The following OR9Q1 variants were observed in gnomAD, a reference collection of about 807,000 sequenced individuals.
OR9Q1 encodes the protein olfactory receptor 9Q1.
For synonymous variants in OR9Q1, 153 were observed against 148.6 expected (o/e 1.03, Z -0.22); for missense variants, 374 against 378.8 (o/e 0.99, Z 0.11).
chr11:58,054,752 C>T (rs1026517106), intron 1 of OR9Q1, among the ~76,000 whole-genome samples: 5 of 152,048 alleles, frequency 3.3e-5, no homozygotes, highest in African/African-American at 1.2e-4. Flanking sequence ...GGTAAAACCC[C>T]ATCTCTACTA....
chr11:58,158,649 G>T (rs1393978874), intron 2 of OR9Q1, among the ~76,000 whole-genome samples: 3 of 152,126 alleles, frequency 2.0e-5, no homozygotes, highest in Non-Finnish European at 4.4e-5. Context: ...GACCAAGGTG[G>T]TTCCATCTTC....
chr11:58,037,429 G>A (rs956433392), intron 1 of OR9Q1, among the ~76,000 whole-genome samples: 7 of 151,710 alleles, frequency 4.6e-5, no homozygotes, highest in Non-Finnish European at 1.0e-4. Flanking sequence ...CACCTGACCT[G>A]AGTAGATATG....
chr11:58,053,444 G>A (rs1853288252), intron 1 of OR9Q1, among the ~76,000 whole-genome samples: 1 of 95,024 alleles, frequency 1.1e-5, no homozygotes, highest in Non-Finnish European at 2.0e-5. Context: ...TCTGGGGCCT[G>A]TTGTGGGGTG....
chr11:58,055,841 C>T (rs983386301), intron 1 of OR9Q1, 29 bp from the exon 2 acceptor site: 3 of 150,756 alleles, frequency 2.0e-5, no homozygotes, highest in African/African-American at 7.3e-5. Flanking sequence ...AACTTAGGCC[C>T]CTTTTGCCCT....
intron 2 of OR9Q1, among the ~76,000 whole-genome samples, chr11:58,114,268 A>T (rs1237184335): frequency 1.3e-5 from 2 of 152,164 alleles, no homozygotes; most frequent in African/African-American, 4.8e-5. Flanking sequence ...GAATTTTCTG[A>T]TCCAATTGTA....
intron 2 of OR9Q1, among the ~76,000 whole-genome samples, chr11:58,064,089 A>G (rs1459270523): frequency 6.6e-6 from 1 of 152,184 alleles, no homozygotes; most frequent in Non-Finnish European, 1.5e-5. Context: ...CGATAGGACA[A>G]TTATGGGAGT....
At chr11:58,166,674 G>T (rs971982376) in intron 2 of OR9Q1, among the ~76,000 whole-genome samples, 1 of 152,180 alleles carries the variant, frequency 6.6e-6, no homozygotes, top group Non-Finnish European at 1.5e-5. Flanking sequence ...TAGTCAAGGT[G>T]GAGCCCCATT....
intron 2 of OR9Q1, among the ~76,000 whole-genome samples, chr11:58,134,564 G>A: frequency 6.6e-6 from 1 of 152,210 alleles, no homozygotes; most frequent in Non-Finnish European, 1.5e-5. Flanking sequence ...ATGGGTCAGA[G>A]TGAGAAGGCA....
At chr11:58,153,569 T>C (rs113687647) in intron 2 of OR9Q1, among the ~76,000 whole-genome samples, 9 of 150,758 alleles carry the variant, frequency 6.0e-5, no homozygotes, top group African/African-American at 1.7e-4. Context: ...TTTTTTTTTT[T>C]CCAAGAGAAA....
At chr11:58,135,348 G>A (rs749479418) in intron 2 of OR9Q1, among the ~76,000 whole-genome samples, 1 of 152,030 alleles carries the variant, frequency 6.6e-6, no homozygotes, top group Non-Finnish European at 1.5e-5. Flanking sequence ...TTCATCTCTC[G>A]CTTGAACTAC....
intron 2 of OR9Q1, among the ~76,000 whole-genome samples, chr11:58,101,890 G>T (rs992799273): frequency 1.6e-4 from 24 of 152,252 alleles, no homozygotes; most frequent in African/African-American, 5.5e-4. Context: ...GGGATTACAG[G>T]TGTGCACCAC....
intron 2 of OR9Q1, among the ~76,000 whole-genome samples, chr11:58,088,971 G>A (rs1485916365): frequency 6.6e-6 from 1 of 151,686 alleles, no homozygotes; most frequent in African/African-American, 2.4e-5. Context: ...CCACCTCATG[G>A]GTTCAAGCGA....
chr11:58,034,735 TTTCC>T lies in OR9Q1; in HGVS notation c.-93+10663_-93+10666del, dbSNP rs71454309. ...CACTGTCTGTCTTAAGGTTTCTTTC[TTTCC>T]TTCCTTCCTTCCTTCCTTCCTTCCT... On this transcript the variant is annotated intron_variant, in intron 1 of 2. Coordinates refer to ENST00000335397, the MANE Select transcript of OR9Q1 (RefSeq NM_001005212.4). Among the ~76,000 whole-genome samples, 205 of 111,470 alleles carry T rather than the reference TTTCC, an allele frequency of 1.8e-3. 2 individuals carry two copies. Among genetic ancestry groups the T allele is most frequent in the South Asian group, 7.8e-3 (19 of 2,450 alleles). The allele number at this position is 111,470 out of a possible 152,430, so 73.1% of individuals were successfully genotyped here. A position where few individuals can be genotyped will look rare whatever the true frequency, so the allele number is the denominator to read the frequency against.
intron 2 of OR9Q1, among the ~76,000 whole-genome samples, chr11:58,076,561 C>T (rs2120031512): frequency 6.6e-6 from 1 of 152,292 alleles, no homozygotes; most frequent in East Asian, 1.9e-4. Context: ...TTTATGGGCT[C>T]ACTGACTTTT....
At chr11:58,100,772 G>T (rs1452994056) in intron 2 of OR9Q1, among the ~76,000 whole-genome samples, 1 of 151,808 alleles carries the variant, frequency 6.6e-6, no homozygotes, top group African/African-American at 2.4e-5. Flanking sequence ...GTCATCAATG[G>T]ATGAATGGAT....
rs190326405 is a variant in OR9Q1 at position 58,028,889 on chromosome 11, C to A, written c.-93+4785C>A. Reference sequence around the variant, plus strand: ...CCAGGAATTCTGAAGCCAGAAGGAACTTGCTAATTATTTATAGGGGAAAGA... The same window carrying A: ...CCAGGAATTCTGAAGCCAGAAGGAAATTGCTAATTATTTATAGGGGAAAGA... On this transcript the variant is annotated intron_variant, in intron 1 of 2. Coordinates refer to ENST00000335397, the MANE Select transcript of OR9Q1 (RefSeq NM_001005212.4). 3.5e-4 allele frequency among the ~76,000 whole-genome samples: 53 copies of A among 152,340 alleles called. 1 individual carries two copies. The East Asian group carries it at 9.5e-3, about 27-fold the overall frequency.
At chr11:58,092,429 A>C (rs576151306) in intron 2 of OR9Q1, among the ~76,000 whole-genome samples, 96 of 151,972 alleles carry the variant, frequency 6.3e-4, no homozygotes, top group Non-Finnish European at 1.2e-3. Flanking sequence ...CATTAATTTT[A>C]TAAGACATAA....
chr11:58,172,346 G>A (rs930300534), intron 2 of OR9Q1, among the ~76,000 whole-genome samples: 7 of 152,040 alleles, frequency 4.6e-5, no homozygotes, highest in African/African-American at 1.4e-4. Context: ...TTAAAGTAAC[G>A]GTTGTTATAA....
chr11:58,168,657 C>T lies in OR9Q1; in HGVS notation c.-14-10774C>T, dbSNP rs561980705. On this transcript the variant is annotated intron_variant, in intron 2 of 2. Transcript: ENST00000335397. ...GGCAATAGGTTTGTCTATTGTATTG[C>T]AAGAATCCACCTCCTGGTTTATCAA... Among the ~76,000 whole-genome samples the T allele has an allele frequency of 3.0e-4, 45 of 151,868 alleles. 1 individual carries two copies. In the South Asian group the frequency reaches 8.9e-3, roughly 30 times the overall value.
Sources: allele counts gnomAD v4.1 joint callset (sites outside exome capture counted in the v4.1 genomes callset), GRCh38; gene constraint gnomAD v4.1.1; transcripts MANE v1.5; gene names NCBI Gene and HGNC (gene_info 2026-07-23, HGNC 2026-07-21).